The following DENND11 variants were observed in gnomAD, a reference collection of about 807,000 sequenced individuals.
DENND11 encodes DENN domain containing 11.
Under a neutral mutation model 49.2 loss-of-function variants are expected in DENND11, and 34 were observed. The ratio of observed to expected loss-of-function variants is 0.69; its 90% confidence interval spans 0.53 to 0.92. The LOEUF is 0.92. DENND11 is among the 40% of genes least tolerant of loss of function. The probability of loss-of-function intolerance (pLI) is 0.00; values close to 1 mark genes in which losing one functional copy is unlikely to be tolerated. For missense variants in DENND11, 475 were observed against 581.6 expected, an observed-to-expected ratio of 0.82 and a Z score of 1.88; for synonymous variants, 238 against 230.3, an observed-to-expected ratio of 1.03 and a Z score of -0.30.
intron 4 of DENND11, among the ~76,000 whole-genome samples, chr7:141,672,118 C>T (rs1457139955): frequency 6.6e-6 from 1 of 152,242 alleles, no homozygotes; most frequent in Non-Finnish European, 1.5e-5. Context: ...CACAGATGCG[C>T]AGTGCCTCCC....
Position 141,693,142 on chromosome 7 carries a change from G to A in DENND11, c.269-6484C>T, listed in dbSNP as rs112548665. Reference sequence around the variant, plus strand: ...TAAAGGACTGTTATCTAAAATATACGAAGAATTCATAAAACTCAACAATAA... The same window carrying A: ...TAAAGGACTGTTATCTAAAATATACAAAGAATTCATAAAACTCAACAATAA... On this transcript the variant is annotated intron_variant, in intron 1 of 8. Coordinates refer to ENST00000536163, the MANE Select transcript of DENND11 (RefSeq NM_001080392.2). 4.1e-3 allele frequency among the ~76,000 whole-genome samples: 629 copies of A among 152,240 alleles called. 4 individuals are homozygous for A. Among genetic ancestry groups the A allele is most frequent in the African/African-American group, 0.014 (595 of 41,542 alleles).
At chr7:141,671,488 T>C (rs950778282) in intron 4 of DENND11, among the ~76,000 whole-genome samples, 9 of 152,240 alleles carry the variant, frequency 5.9e-5, no homozygotes, top group African/African-American at 2.2e-4. Flanking sequence ...TTTTTTATTT[T>C]GATGTGCTGA....
At position 141,666,367 on chromosome 7, in the gene DENND11, A is replaced by C. The variant is rs752622754; in HGVS notation, c.740T>G (p.Leu247Arg). The change falls in exon 5 of 9, where the codon CTC (leucine) becomes CGC (arginine). Residue 247 changes from leucine (L) to arginine (R), a missense_variant. Coordinates refer to ENST00000536163, the MANE Select transcript of DENND11 (RefSeq NM_001080392.2). ...QFIKFFGEQI[L>R]ILWKFALLRK... ...AAGTAAGGCAAATTTCCAGAGGATGAGGATCTGTTCTCCAAAGAACTTTAT... is the reference window on the plus strand; with the variant it reads ...AAGTAAGGCAAATTTCCAGAGGATGCGGATCTGTTCTCCAAAGAACTTTAT... 1 of 1,613,502 alleles carries C rather than the reference A, an allele frequency of 6.2e-7. No individual in the cohort carries two copies. Among genetic ancestry groups the C allele is most frequent in the South Asian group, 1.1e-5 (1 of 90,966 alleles).
intron 1 of DENND11, among the ~76,000 whole-genome samples, chr7:141,694,341 A>G (rs1442222163): frequency 6.6e-6 from 1 of 151,878 alleles, no homozygotes; most frequent in Non-Finnish European, 1.5e-5. Flanking sequence ...GCTCACTATA[A>G]CCTCTAACTC....
intron 3 of DENND11, among the ~76,000 whole-genome samples, chr7:141,685,024 AAAAAAATATATATAT>A (rs1198676466): frequency 6.6e-4 from 68 of 102,564 alleles, no homozygotes; most frequent in African/African-American, 2.1e-3. Flanking sequence ...AAAAAAAAAA[AAAAAAATATATATAT>A]ATATATATAT....
chr7:141,679,018 G>C (rs1043666775), intron 3 of DENND11, among the ~76,000 whole-genome samples: 5 of 152,204 alleles, frequency 3.3e-5, no homozygotes, highest in African/African-American at 1.2e-4. Context: ...TGAAATACAA[G>C]TAAATAGGTT....
At chr7:141,679,871 T>C (rs559284887) in intron 3 of DENND11, among the ~76,000 whole-genome samples, 1 of 152,316 alleles carries the variant, frequency 6.6e-6, no homozygotes, top group Non-Finnish European at 1.5e-5. Flanking sequence ...ACTATACTGA[T>C]GTACTGTTCT....
chr7:141,673,251 A>C (rs1196479808), intron 4 of DENND11, among the ~76,000 whole-genome samples: 4 of 152,206 alleles, frequency 2.6e-5, no homozygotes, highest in South Asian at 2.1e-4. Context: ...AATAAAAAAA[A>C]AAAAACAAAA....
Position 141,676,030 on chromosome 7 carries a change from G to C in DENND11, c.528-1810C>G, listed in dbSNP as rs139347416. ...GGTCTAAGCTGTGTCTGACTATTCT[G>C]AGAAGATGGCAGATTTCAGATACTT... On this transcript the variant is annotated intron_variant, in intron 3 of 8. Coordinates refer to ENST00000536163, the MANE Select transcript of DENND11 (RefSeq NM_001080392.2). Among the ~76,000 whole-genome samples, 11 of 152,292 alleles carry C rather than the reference G, an allele frequency of 7.2e-5. No homozygotes were observed. In the East Asian group the frequency reaches 2.1e-3, roughly 29 times the overall value.
intron 1 of DENND11, among the ~76,000 whole-genome samples, chr7:141,694,483 A>G (rs1271293035): frequency 1.3e-5 from 2 of 151,442 alleles, no homozygotes; most frequent in African/African-American, 4.9e-5. Flanking sequence ...CTGGTCTTGA[A>G]CTCCTGGCCT....
At chr7:141,686,143 G>T (rs531250894) in intron 2 of DENND11, among the ~76,000 whole-genome samples, 3 of 152,236 alleles carry the variant, frequency 2.0e-5, no homozygotes, top group Admixed American at 6.5e-5. Flanking sequence ...TCTTTCCATT[G>T]TTCCTTCTCG....
chr7:141,701,754 C>CCGGGGCCGGCCCTGGTGCGGGGTG (rs1798523461), intron 1 of DENND11, 132 bp downstream of exon 1: 2 of 773,854 alleles, frequency 2.6e-6, no homozygotes, highest in Admixed American at 5.2e-5. Flanking sequence ...GCCCGGGAGC[C>CCGGGGCCGGCCCTGGTGCGGGGTG]CGGGGCCGGC....
intron 3 of DENND11, among the ~76,000 whole-genome samples, chr7:141,674,617 TA>T (rs1798037413): frequency 6.6e-6 from 1 of 152,214 alleles, no homozygotes; most frequent in Admixed American, 6.5e-5. Flanking sequence ...ATTCCCTGCT[TA>T]AAGCCGCTCT....
intron 4 of DENND11, among the ~76,000 whole-genome samples, chr7:141,672,565 G>C (rs1171058523): frequency 2.0e-5 from 3 of 152,206 alleles, no homozygotes; most frequent in Non-Finnish European, 4.4e-5. Flanking sequence ...CCTGATCTTA[G>C]AGGTGGATAC....
chr7:141,664,158 GC>G lies in DENND11; in HGVS notation c.1172+13del. ...TCCTCAGGGAGACTCCACATCCACG[GC>G]CCCAGGACTCACAGCACGAAGAGGT... On this transcript the variant is annotated intron_variant, in intron 8 of 8. Coordinates refer to ENST00000536163, the MANE Select transcript of DENND11 (RefSeq NM_001080392.2). The G allele has an allele frequency of 1.3e-6, 2 of 1,567,988 alleles. No individual in the cohort carries two copies. The highest frequency in any genetic ancestry group is 1.8e-5 in the Admixed American group (1 of 54,382).
Position 141,662,658 on chromosome 7 carries a change from A to G in DENND11, c.1366T>C (p.Ter456GlnextTer32). 1 of 1,573,438 alleles carries G rather than the reference A, an allele frequency of 6.4e-7. No individual in the cohort carries two copies. Among genetic ancestry groups the G allele is most frequent in the East Asian group, 2.3e-5 (1 of 43,464 alleles). ...GCTCCCAGTCCTGTTGGCTCCTCCT[A>G]CGGGCAACAGGGGTTGTCGATAACC... ...MLVIDNPCCP[*>Q] The change falls in exon 9 of 9, where the codon TAG becomes CAG. Residue 456 changes from the stop codon to glutamine (Q), a stop_lost. Coordinates refer to ENST00000536163, the MANE Select transcript of DENND11 (RefSeq NM_001080392.2).
At chr7:141,671,696 G>T (rs1198437082) in intron 4 of DENND11, among the ~76,000 whole-genome samples, 1 of 152,166 alleles carries the variant, frequency 6.6e-6, no homozygotes, top group African/African-American at 2.4e-5. Flanking sequence ...ATTTAGGTCA[G>T]ATGCTGGTCA....
chr7:141,677,186 G>A (rs1239391553), intron 3 of DENND11, among the ~76,000 whole-genome samples: 2 of 151,992 alleles, frequency 1.3e-5, no homozygotes, highest in Non-Finnish European at 1.5e-5. Context: ...AGCACTTTGG[G>A]AGGCTGAGGT....
chr7:141,682,119 T>C (rs1798156106), intron 3 of DENND11, among the ~76,000 whole-genome samples: 1 of 152,190 alleles, frequency 6.6e-6, no homozygotes, highest in African/African-American at 2.4e-5. Flanking sequence ...TTGTCTATTC[T>C]TTTATAAGTT....
Sources: gnomAD v4.1 joint callset for allele counts (sites outside exome capture counted in the v4.1 genomes callset) on GRCh38, gnomAD v4.1.1 for gene constraint, MANE v1.5 for transcripts, NCBI Gene and HGNC (gene_info 2026-07-23, HGNC 2026-07-21) for gene names.